The following CUL7 variants were observed in gnomAD, a reference collection of about 807,000 sequenced individuals.
CUL7 encodes cullin 7, also known as cullin-7.
CUL7 carries 96 observed loss-of-function variants against 177.7 expected under a neutral mutation model. The ratio of observed to expected loss-of-function variants is 0.54; its 90% confidence interval spans 0.46 to 0.64. The LOEUF (loss-of-function observed/expected upper bound fraction) is 0.64, where lower values mean the gene tolerates loss of function less well. Among genes scored for constraint, CUL7 ranks in the 30% least tolerant of loss-of-function variants. The probability of loss-of-function intolerance (pLI) is 0.00; values close to 1 mark genes in which losing one functional copy is unlikely to be tolerated. For synonymous variants in CUL7, 824 were observed against 890.2 expected, an observed-to-expected ratio of 0.93 and a Z score of 1.32; for missense variants, 1,893 against 2,187.9, an observed-to-expected ratio of 0.87 and a Z score of 2.69.
chr6:43,042,003 C>CA (rs201127168), intron 19 of CUL7, among the ~76,000 whole-genome samples: 3,566 of 52,582 alleles, frequency 0.068, 113 homozygotes, highest in Non-Finnish European at 0.11. Flanking sequence ...GACTCCGTCT[C>CA]AAAAAAAAAA....
chr6:43,051,746 G>T lies in CUL7; in HGVS notation c.598C>A (p.Leu200Ile). 1 of 1,614,102 alleles carries T rather than the reference G, an allele frequency of 6.2e-7. No homozygotes were observed. Among genetic ancestry groups the T allele is most frequent in the Non-Finnish European group, 8.5e-7 (1 of 1,180,014 alleles). ...SHDAGTRTQILLSLSQQEAIE... is the reference protein window; with the variant it reads ...SHDAGTRTQIILSLSQQEAIE... ...GCTTCTTGTTGGCTCAGTGACAGAA[G>T]GATCTGAGTCCGGGTCCCTGTAACC... Residue 200 changes from leucine (L) to isoleucine (I), a missense_variant, in exon 3 of 26, where the codon CTT becomes ATT. This residue lies in a region of CUL7 where 653 missense variants were observed against 725.2 expected (regional missense o/e 0.90). Transcript: ENST00000265348. The surrounding 1 kb of genome is among the most constrained non-coding windows in gnomAD (Gnocchi z 5.0).
At position 43,048,260 on chromosome 6, in the gene CUL7, G is replaced by A. The variant is rs771693083; in HGVS notation, c.2064-7C>T. ...CACCAGCTGCTTCAGGATTCTGGGGGCAGAGAAATGTGTAGCCAGCCTCAT... is the reference window on the plus strand; with the variant it reads ...CACCAGCTGCTTCAGGATTCTGGGGACAGAGAAATGTGTAGCCAGCCTCAT... On this transcript the variant is annotated splice_region_variant and splice_polypyrimidine_tract_variant and intron_variant, in intron 8 of 25. Transcript: ENST00000265348. 6.2e-6 allele frequency: 10 copies of A among 1,609,450 alleles called. No homozygotes were observed. The Admixed American group carries it at 1.5e-4, about 24-fold the overall frequency.
chr6:43,043,120 A>G lies in CUL7; in HGVS notation c.3416T>C (p.Ile1139Thr), dbSNP rs77965460. 1,582 of 1,614,056 alleles carry G rather than the reference A, an allele frequency of 9.8e-4. 29 individuals are homozygous for G. In the East Asian group the frequency reaches 0.033, roughly 33 times the overall value. ...SLATRGLPSSIMRNLTRCWRA... is the reference protein window; with the variant it reads ...SLATRGLPSSTMRNLTRCWRA... ...CCAACAGCGCGTCAGGTTTCTCATG[A>G]TGCTGCTTGGAAGGCCCCGGGTAGC... Residue 1139 changes from isoleucine to threonine, a missense_variant, in exon 18 of 26, where the codon ATC becomes ACC. Transcript: ENST00000265348. The surrounding 1 kb of genome is among the most constrained non-coding windows in gnomAD (Gnocchi z 4.2).
chr6:43,037,788 C>T lies in CUL7; in HGVS notation c.4997G>A (p.Gly1666Asp), dbSNP rs1253682694. The change falls in exon 26 of 26, where the codon GGC becomes GAC. Residue 1666 changes from glycine to aspartate, a missense_variant. Physicochemically the swap from Gly to Asp is moderately conservative, Grantham distance 94. Coordinates refer to ENST00000265348, the MANE Select transcript of CUL7 (RefSeq NM_014780.5). ...ATGGAAGGTGAGGGGTGGGTTGGGG[C>T]CTGAGGAGCCTGGGTTCAGGGACTC... is the stretch of plus-strand genomic sequence containing the variant. ...HTESLNPGSS[G>D]PNPPLTFHTL... is the part of the protein sequence containing the mutation. 1 of 1,599,848 alleles carries T rather than the reference C, an allele frequency of 6.3e-7. No homozygotes were observed. Among genetic ancestry groups the T allele is most frequent in the Non-Finnish European group, 8.5e-7 (1 of 1,173,340 alleles).
rs746786286 is a variant in CUL7 at position 43,048,365 on chromosome 6, T to G, written c.2030A>C (p.Glu677Ala). 14 of 1,613,240 alleles carry G rather than the reference T, an allele frequency of 8.7e-6. No homozygotes were observed. The African/African-American group carries it at 1.9e-4, about 22-fold the overall frequency. ...AGTCAGGTGCAGGGTCCTGTTAGTC[T>G]CCGGAGTGTCCAGGCTCTGCATCAG... Reference protein sequence around the residue: ...LALMQSLDTPETNRTLHLTVL... With the variant: ...LALMQSLDTPATNRTLHLTVL... The change falls in exon 8 of 26, where the codon GAG (glutamate) becomes GCG (alanine). Residue 677 changes from glutamate to alanine, a missense_variant. Coordinates refer to ENST00000265348, the MANE Select transcript of CUL7 (RefSeq NM_014780.5).
chr6:43,037,975 T>C lies in CUL7; in HGVS notation c.4810A>G (p.Arg1604Gly). ...EAWQKGPCPP[R>G]GLVSSLGKGS... is the part of the protein sequence containing the mutation. ...TTACCAAGGCTGCTGACCAAACCCC[T>C]GGGAGGACACGGGCCCTTCTGCCAA... Residue 1604 changes from arginine (R) to glycine (G), a missense_variant, in exon 26 of 26, where the codon AGG (arginine) becomes GGG (glycine). Around this residue, in one of 5 missense-constraint regions of CUL7, gnomAD observed 248 missense variants for 262.5 expected, o/e 0.94. Transcript: ENST00000265348. 6.3e-7 allele frequency: 1 copy of C among 1,596,540 alleles called. No homozygotes were observed. Among genetic ancestry groups the C allele is most frequent in the Non-Finnish European group, 8.5e-7 (1 of 1,169,818 alleles).
Position 43,051,714 on chromosome 6 carries a change from C to T in CUL7, c.630G>A (p.Glu210=), listed in dbSNP as rs1764427966. ...LLSLSQQEAI[E]KHLDFDSRCA... The stretch of plus-strand genomic sequence containing the variant: ...AGCGGCTGTCAAAATCCAGGTGTTT[C>T]TCAATGGCTTCTTGTTGGCTCAGTG... Residue 210 remains glutamate (E), a synonymous_variant, in exon 3 of 26, where the codon GAG becomes GAA. Transcript: ENST00000265348. The surrounding 1 kb of genome is among the most constrained non-coding windows in gnomAD (Gnocchi z 5.0). 6.2e-7 allele frequency: 1 copy of T among 1,614,170 alleles called. No individual in the cohort carries two copies. Among genetic ancestry groups the T allele is most frequent in the Non-Finnish European group, 8.5e-7 (1 of 1,180,028 alleles).
intron 10 of CUL7, 43 bp downstream of exon 10, chr6:43,046,837 T>C (rs748366153): frequency 1.5e-6 from 2 of 1,336,230 alleles, no homozygotes; most frequent in Non-Finnish European, 2.2e-6. Flanking sequence ...GGGTTTCATA[T>C]TCTGATGCCA....
In CUL7 at chr6:43,051,560, G is replaced by A; in HGVS notation, c.732+52C>T. On this transcript the variant is annotated intron_variant, in intron 3 of 25. Coordinates refer to ENST00000265348, the MANE Select transcript of CUL7 (RefSeq NM_014780.5). The surrounding 1 kb of genome is among the most constrained non-coding windows in gnomAD (Gnocchi z 5.0). ...CTCTGCAGATAGGTGCAAAGGCCTG[G>A]ACCCTAGATCTTGTTCACAAGTTCC... The A allele has an allele frequency of 1.9e-6, 3 of 1,613,912 alleles. No homozygotes were observed. The highest frequency in any genetic ancestry group is 2.5e-6 in the Non-Finnish European group (3 of 1,179,942).
Position 43,053,276 on chromosome 6 carries a change from C to A in CUL7, c.-9+346G>T, listed in dbSNP as rs994078327. On this transcript the variant is annotated intron_variant, in intron 1 of 25. Coordinates refer to ENST00000265348, the MANE Select transcript of CUL7 (RefSeq NM_014780.5). This position sits in a 1 kb window ranked among gnomAD's most constrained non-coding sequence, Gnocchi z 4.1. ...GTCCCGAGATCGCAGAGTTAAGAGACCTGAGAACTGGTGGTGGAGTGGGAG... is the reference window on the plus strand; with the variant it reads ...GTCCCGAGATCGCAGAGTTAAGAGAACTGAGAACTGGTGGTGGAGTGGGAG... Among the ~76,000 whole-genome samples the A allele has an allele frequency of 1.3e-5, 2 of 151,878 alleles. No individual in the cohort carries two copies. Among genetic ancestry groups the A allele is most frequent in the Non-Finnish European group, 2.9e-5 (2 of 68,004 alleles).
chr6:43,050,993 C>T lies in CUL7; in HGVS notation c.1208G>A (p.Ser403Asn). Residue 403 changes from serine (S) to asparagine (N), a missense_variant, in exon 4 of 26, where the codon AGC becomes AAC. Around this residue, in one of 5 missense-constraint regions of CUL7, gnomAD observed 653 missense variants for 725.2 expected, o/e 0.90. Transcript: ENST00000265348. This position sits in a 1 kb window ranked among gnomAD's most constrained non-coding sequence, Gnocchi z 4.1. ...CTGCACAGGAGGCACACCGTTGTTG[C>T]TCTGCCGAAACTCGCCCTCATCCCC... Reference protein sequence around the residue: ...SAGDEGEFRQSNNGVPPVQVF... With the variant: ...SAGDEGEFRQNNNGVPPVQVF... The T allele has an allele frequency of 4.3e-6, 7 of 1,614,200 alleles. No individual in the cohort carries two copies. The South Asian group carries it at 7.7e-5, about 18-fold the overall frequency.
chr6:43,046,525 C>A lies in CUL7; in HGVS notation c.2474G>T (p.Arg825Ile). 1 of 1,614,178 alleles carries A rather than the reference C, an allele frequency of 6.2e-7. No homozygotes were observed. Among genetic ancestry groups the A allele is most frequent in the Non-Finnish European group, 8.5e-7 (1 of 1,180,030 alleles). ...INIPFFDVFL[R>I]YLCQGSSVEV... is the part of the protein sequence containing the mutation. ...CAGGCACGAACCCTGGCACAGGTATCTGAGGAACACATCAAAGAAAGGGAT... is the reference window on the plus strand; with the variant it reads ...CAGGCACGAACCCTGGCACAGGTATATGAGGAACACATCAAAGAAAGGGAT... The change falls in exon 11 of 26, where the codon AGA (arginine) becomes ATA (isoleucine). Residue 825 changes from arginine (R) to isoleucine (I), a missense_variant. Arg to Ile is a moderately conservative substitution (Grantham distance 97, BLOSUM62 -3). Around this residue, in one of 5 missense-constraint regions of CUL7, gnomAD observed 973 missense variants for 1,140.9 expected, o/e 0.85. Transcript: ENST00000265348.
rs1285840639 is a variant in CUL7 at position 43,045,500 on chromosome 6, C to T, written c.2862+87G>A. ...CCTCACCCCTGGAGCTGCTCGAGAC[C>T]CAGGCTGGTCCTCTGGCTTAAGATC... On this transcript the variant is annotated intron_variant, in intron 14 of 25. Transcript: ENST00000265348. This position sits in a 1 kb window ranked among gnomAD's most constrained non-coding sequence, Gnocchi z 4.8. The T allele has an allele frequency of 1.3e-5, 21 of 1,613,146 alleles. 1 individual carries two copies. Among genetic ancestry groups the T allele is most frequent in the Middle Eastern group, 3.3e-4 (2 of 6,076 alleles).
intron 19 of CUL7, 34 bp from the exon 20 acceptor site, chr6:43,041,109 T>C: frequency 9.3e-6 from 15 of 1,610,818 alleles, no homozygotes; most frequent in Non-Finnish European, 1.3e-5. Flanking sequence ...AAGCCATGAA[T>C]GAGCGAGCAG....
chr6:43,051,492 A>G lies in CUL7; in HGVS notation c.733-24T>C, dbSNP rs779271331. ...ACCTGTGGGATACAACCTTTGGCCT[A>G]TATCCACCTTGTCCCAGTTTAAGCC... On this transcript the variant is annotated intron_variant, in intron 3 of 25. Transcript: ENST00000265348. This position sits in a 1 kb window ranked among gnomAD's most constrained non-coding sequence, Gnocchi z 5.0. The G allele has an allele frequency of 3.7e-6, 6 of 1,613,904 alleles. No individual in the cohort carries two copies. In the East Asian group the frequency reaches 1.1e-4, roughly 30 times the overall value.
rs1763109425 is a variant in CUL7, at chr6:43,038,154, A to G, written c.4773+113T>C. 2.7e-6 allele frequency: 4 copies of G among 1,488,980 alleles called. No homozygotes were observed. The East Asian group carries it at 7.3e-5, about 27-fold the overall frequency. The allele number at this position is 1,488,980 out of a possible 1,614,324, so 92.2% of individuals were successfully genotyped here. On this transcript the variant is annotated intron_variant, in intron 25 of 25. Transcript: ENST00000265348. Reference sequence around the variant, plus strand: ...TCCCGACCTCACTCCTCACACTCCTACAGGCTACACAGTGAACCAGGTGCC... The same window carrying G: ...TCCCGACCTCACTCCTCACACTCCTGCAGGCTACACAGTGAACCAGGTGCC...
In CUL7 at chr6:43,045,069, T is replaced by C. The variant is rs1295701713; in HGVS notation, c.3038+158A>G. ...GCCCACTGGAGAAATCTTTTCTCTT[T>C]ATCCTTTCTTCCCCTCCCACAGCTC... On this transcript the variant is annotated intron_variant, in intron 15 of 25. Coordinates refer to ENST00000265348, the MANE Select transcript of CUL7 (RefSeq NM_014780.5). This position sits in a 1 kb window ranked among gnomAD's most constrained non-coding sequence, Gnocchi z 4.8. 1.3e-5 allele frequency among the ~76,000 whole-genome samples: 2 copies of C among 152,138 alleles called. No individual in the cohort carries two copies. The highest frequency in any genetic ancestry group is 2.9e-5 in the Non-Finnish European group (2 of 68,024).
chr6:43,047,775 C>T (rs1764037690), intron 9 of CUL7, among the ~76,000 whole-genome samples: 1 of 152,090 alleles, frequency 6.6e-6, no homozygotes, highest in African/African-American at 2.4e-5. Flanking sequence ...ATCTCCATAT[C>T]CTTTTGTGTA....
Position 43,043,681 on chromosome 6 carries a change from G to A in CUL7, c.3173-51C>T. On this transcript the variant is annotated intron_variant, in intron 16 of 25. Coordinates refer to ENST00000265348, the MANE Select transcript of CUL7 (RefSeq NM_014780.5). The surrounding 1 kb of genome is among the most constrained non-coding windows in gnomAD (Gnocchi z 4.2). ...GGCACAGCCATGTCTGCAGGGAAGT[G>A]GGAGTGGTTGGGCTGAACAGGAGTG... is the stretch of plus-strand genomic sequence containing the variant. 1 of 1,236,518 alleles carries A rather than the reference G, an allele frequency of 8.1e-7. No homozygotes were observed. The highest frequency in any genetic ancestry group is 1.2e-6 in the Non-Finnish European group (1 of 856,832). The allele number at this position is 1,236,518 out of a possible 1,614,324, so 76.6% of individuals were successfully genotyped here.
Sources: gnomAD v4.1 joint callset for allele counts (sites outside exome capture counted in the v4.1 genomes callset) on GRCh38, gnomAD v4.1.1 for gene constraint, gnomAD v4.1.1 regional missense constraint, Gnocchi (gnomAD v3.1) non-coding constraint, MANE v1.5 for transcripts, NCBI Gene and HGNC (gene_info 2026-07-23, HGNC 2026-07-21) for gene names.